Variants in HBP1 observed in about 807,000 individuals in gnomAD.
The protein encoded by HBP1 is HMG box-containing protein 1.
Under a neutral mutation model 62.6 loss-of-function variants are expected in HBP1, and 20 were observed. The observed-to-expected ratio is 0.32, with a 90% CI of 0.22 to 0.46. HBP1 has a LOEUF of 0.46. Ranked by LOEUF, HBP1 falls within the 20% of genes least tolerant of loss-of-function variation. The pLI, the probability that HBP1 is intolerant of heterozygous loss-of-function variation, is 1.00. For missense variants in HBP1, 480 were observed against 611.8 expected, an observed-to-expected ratio of 0.78 and a Z score of 2.27; for synonymous variants, 232 against 206.2, an observed-to-expected ratio of 1.12 and a Z score of -1.07.
chr7:107,201,506 G>A lies in HBP1; in HGVS notation c.*75G>A. 1.1e-6 allele frequency: 1 copy of A among 896,810 alleles called. No individual in the cohort carries two copies. The highest frequency in any genetic ancestry group is 1.8e-6 in the Non-Finnish European group (1 of 551,172). The allele number at this position is 896,810 out of a possible 1,614,324, so 55.6% of individuals were successfully genotyped here. On this transcript the variant is annotated 3_prime_UTR_variant, in exon 11 of 11. Coordinates refer to ENST00000222574, the MANE Select transcript of HBP1 (RefSeq NM_012257.4). Reference sequence around the variant, plus strand: ...TGATGGAAAGACTTAAGAAGATCAAGGTCTCACCATTTGTCCTCAATTCGT... The same window carrying A: ...TGATGGAAAGACTTAAGAAGATCAAAGTCTCACCATTTGTCCTCAATTCGT...
chr7:107,185,790 CTTTA>C lies in HBP1; in HGVS notation c.399-7_399-4del. 1 of 1,607,784 alleles carries C rather than the reference CTTTA, an allele frequency of 6.2e-7. No individual in the cohort carries two copies. The highest frequency in any genetic ancestry group is 8.5e-7 in the Non-Finnish European group (1 of 1,175,316). Reference sequence around the variant, plus strand: ...CCTATGCTTATGGTTGAAACTGTTGCTTTATTTTAGATCATCTCCTGTACACATC... The same window carrying C: ...CCTATGCTTATGGTTGAAACTGTTGCTTTTAGATCATCTCCTGTACACATC... On this transcript the variant is annotated splice_region_variant and splice_polypyrimidine_tract_variant and intron_variant, in intron 3 of 10. Transcript: ENST00000222574.
At chr7:107,192,138 G>A (rs1202988529) in intron 8 of HBP1, among the ~76,000 whole-genome samples, 2 of 151,850 alleles carry the variant, frequency 1.3e-5, no homozygotes, top group Non-Finnish European at 2.9e-5. Context: ...ATTGAGAGCA[G>A]TCACGTAGGT....
intron 9 of HBP1, among the ~76,000 whole-genome samples, chr7:107,199,714 A>G (rs1441723478): frequency 6.6e-6 from 1 of 152,216 alleles, no homozygotes; most frequent in Non-Finnish European, 1.5e-5. Context: ...ACAGCTTCTA[A>G]TATTTGTCAT....
chr7:107,183,618 T>A (rs867181640), intron 3 of HBP1, among the ~76,000 whole-genome samples: 61 of 151,496 alleles, frequency 4.0e-4, no homozygotes, highest in African/African-American at 1.1e-3. Context: ...TATTTATTTT[T>A]AAAAAAAAAC....
chr7:107,199,037 A>G (rs1798067952), intron 9 of HBP1, among the ~76,000 whole-genome samples: 1 of 152,106 alleles, frequency 6.6e-6, no homozygotes, highest in Admixed American at 6.5e-5. Flanking sequence ...CAAGACTAAA[A>G]GTTTTTTTTT....
chr7:107,185,608 A>C (rs984742620), intron 3 of HBP1, among the ~76,000 whole-genome samples, 193 bp from the exon 4 acceptor site: 1 of 152,210 alleles, frequency 6.6e-6, no homozygotes, highest in Admixed American at 6.5e-5. Flanking sequence ...GATGTCTAAA[A>C]TGTGTGAGGA....
chr7:107,183,928 T>C (rs1019136190), intron 3 of HBP1, among the ~76,000 whole-genome samples: 1 of 152,186 alleles, frequency 6.6e-6, no homozygotes, highest in African/African-American at 2.4e-5. Context: ...CTGAAGTCTA[T>C]AGTTAAGGAG....
chr7:107,189,269 T>G, intron 6 of HBP1, 23 bp from the exon 7 acceptor site: 1 of 1,594,634 alleles, frequency 6.3e-7, no homozygotes. Context: ...TCCAATTCAT[T>G]CACGCTATGC....
intron 3 of HBP1, 102 bp downstream of exon 3, chr7:107,182,703 A>G: frequency 3.2e-6 from 2 of 615,734 alleles, no homozygotes; most frequent in East Asian, 5.5e-5. Context: ...TTAAATTATT[A>G]GAATTTAAGT....
Position 107,201,489 on chromosome 7 carries a change from A to AGACTT in HBP1, c.*59_*63dup. ...GCATATACATTGACTCTTGATGGAA[A>AGACTT]GACTTAAGAAGATCAAGGTCTCACC... On this transcript the variant is annotated 3_prime_UTR_variant, in exon 11 of 11. Coordinates refer to ENST00000222574, the MANE Select transcript of HBP1 (RefSeq NM_012257.4). The AGACTT allele has an allele frequency of 9.4e-7, 1 of 1,061,460 alleles. No homozygotes were observed. The highest frequency in any genetic ancestry group is 1.3e-5 in the South Asian group (1 of 75,550). 65.8% of individuals were successfully genotyped at this position (1,061,460 alleles called of 1,614,324 possible).
Position 107,202,075 on chromosome 7 carries a change from T to G in HBP1, c.*644T>G, listed in dbSNP as rs1276186975. 1.3e-5 allele frequency: 2 copies of G among 152,690 alleles called. No individual in the cohort carries two copies. The highest frequency in any genetic ancestry group is 2.9e-5 in the Non-Finnish European group (2 of 68,044). 9.5% of individuals were successfully genotyped at this position (152,690 alleles called of 1,614,324 possible). A position where few individuals can be genotyped will look rare whatever the true frequency, so the allele number is the denominator to read the frequency against. ...AGGTGGCAGCAGCCATCCGTTATTA[T>G]TTCCAATGGAGACCTAGCCCAGGCC... On this transcript the variant is annotated 3_prime_UTR_variant, in exon 11 of 11. Transcript: ENST00000222574.
intron 7 of HBP1, 23 bp downstream of exon 7, chr7:107,189,471 AG>A (rs1414156072): frequency 6.4e-7 from 1 of 1,564,200 alleles, no homozygotes; most frequent in African/African-American, 1.4e-5. Context: ...TTGCATTTGT[AG>A]TAACTTTTTT....
In HBP1 at chr7:107,186,845, G is replaced by A. The variant is rs1797401074; in HGVS notation, c.765+164G>A. ...ACTCATTGCTTAGTCTGATGGGGAGGAGCAATGATTTTAGGTTTGCCTTTC... is the reference window on the plus strand; with the variant it reads ...ACTCATTGCTTAGTCTGATGGGGAGAAGCAATGATTTTAGGTTTGCCTTTC... On this transcript the variant is annotated intron_variant, in intron 6 of 10. Transcript: ENST00000222574. Among the ~76,000 whole-genome samples the A allele has an allele frequency of 2.0e-5, 3 of 152,302 alleles. No individual in the cohort carries two copies. The South Asian group carries it at 6.2e-4, about 32-fold the overall frequency.
In HBP1 at chr7:107,169,075, G is replaced by A. The variant is rs950718337; in HGVS notation, c.-126G>A. ...AGGAGTAAGAGCTGCCGCGGGAGCA[G>A]TAACCCGCGCGGGGGAGGCCGACGT... is the stretch of plus-strand genomic sequence containing the variant. On this transcript the variant is annotated 5_prime_UTR_variant, in exon 1 of 11. Coordinates refer to ENST00000222574, the MANE Select transcript of HBP1 (RefSeq NM_012257.4). The A allele has an allele frequency of 4.7e-6, 6 of 1,287,606 alleles. No individual in the cohort carries two copies. The highest frequency in any genetic ancestry group is 4.6e-5 in the African/African-American group (3 of 65,764). 79.8% of individuals were successfully genotyped at this position (1,287,606 alleles called of 1,614,324 possible). A position where few individuals can be genotyped will look rare whatever the true frequency, so the allele number is the denominator to read the frequency against.
chr7:107,200,982 T>G (rs1012925818), intron 10 of HBP1: 42 of 155,052 alleles, frequency 2.7e-4, no homozygotes, highest in Middle Eastern at 3.1e-3. Flanking sequence ...AGGGAAGATA[T>G]CAATATTTTT....
intron 9 of HBP1, chr7:107,197,238 G>T (rs1395323006): frequency 6.6e-6 from 1 of 152,048 alleles, no homozygotes; most frequent in African/African-American, 2.4e-5. Context: ...TGTACCCTGA[G>T]GATCAAAACT....
intron 9 of HBP1, chr7:107,196,829 G>A (rs1439323443): frequency 3.9e-5 from 6 of 154,200 alleles, no homozygotes; most frequent in Admixed American, 3.8e-4. Flanking sequence ...ATTTTTTGTA[G>A]AGATAGGGTT....
intron 3 of HBP1, among the ~76,000 whole-genome samples, chr7:107,183,479 A>C (rs1029245235): frequency 6.6e-6 from 1 of 152,166 alleles, no homozygotes; most frequent in Non-Finnish European, 1.5e-5. Context: ...AATTGAATTT[A>C]ATTAACTTCA....
chr7:107,173,866 T>G (rs1360421866), intron 1 of HBP1, among the ~76,000 whole-genome samples: 1 of 152,240 alleles, frequency 6.6e-6, no homozygotes, highest in African/African-American at 2.4e-5. Flanking sequence ...GTGTTGAATC[T>G]GATACCAAAG....
Sources: allele counts gnomAD v4.1 joint callset (sites outside exome capture counted in the v4.1 genomes callset), GRCh38; gene constraint gnomAD v4.1.1; transcripts MANE v1.5; gene names NCBI Gene and HGNC (gene_info 2026-07-23, HGNC 2026-07-21).